ZC3H8: variants seen among roughly 807,000 people sequenced by gnomAD.
The protein encoded by ZC3H8 is zinc finger CCCH-type containing 8.
Under a neutral mutation model 42.5 loss-of-function variants are expected in ZC3H8, and 27 were observed. The ratio of observed to expected loss-of-function variants is 0.64; its 90% CI spans 0.47 to 0.88. The LOEUF is 0.88. Among genes scored for constraint, ZC3H8 ranks in the 40% least tolerant of loss-of-function variants. The pLI is 0.00. For synonymous variants in ZC3H8, 101 were observed against 110.1 expected (o/e 0.92, Z 0.52); for missense variants, 277 against 336.1 (o/e 0.82, Z 1.37).
chr2:112,249,192 T>C (rs1685860434), intron 2 of ZC3H8, among the ~76,000 whole-genome samples: 1 of 152,004 alleles, frequency 6.6e-6, no homozygotes, highest in East Asian at 1.9e-4. Flanking sequence ...CAAGACTCTG[T>C]CTCAAAAAAA....
At chr2:112,241,813 T>C (rs573470814) in intron 2 of ZC3H8, among the ~76,000 whole-genome samples, 195 of 152,366 alleles carry the variant, frequency 1.3e-3, no homozygotes, top group African/African-American at 4.4e-3. Context: ...TATTACTCTA[T>C]AGCATTTGTT....
chr2:112,246,291 G>A (rs1032464877), intron 2 of ZC3H8, among the ~76,000 whole-genome samples: 9 of 152,134 alleles, frequency 5.9e-5, no homozygotes, highest in African/African-American at 7.2e-5. Flanking sequence ...TATGGATCAC[G>A]GAATAATTGA....
intron 1 of ZC3H8, 68 bp from the exon 2 acceptor site, chr2:112,250,340 C>G: frequency 1.8e-6 from 2 of 1,100,258 alleles, no homozygotes; most frequent in African/African-American, 1.6e-5. Context: ...CACAGCGTTA[C>G]AATTCACTGC....
chr2:112,233,156 A>G, intron 6 of ZC3H8, 104 bp downstream of exon 6: 1 of 672,594 alleles, frequency 1.5e-6, no homozygotes, highest in South Asian at 2.2e-5. Context: ...CTTGGATAAT[A>G]TCATTTTGGT....
chr2:112,218,427 T>A (rs560551187), intron 8 of ZC3H8, among the ~76,000 whole-genome samples: 17 of 152,316 alleles, frequency 1.1e-4, no homozygotes, highest in African/African-American at 3.8e-4. Context: ...TATTTTATCA[T>A]GTTAAAAAAG....
At chr2:112,238,204 C>T (rs1685426873) in intron 3 of ZC3H8, 111 bp downstream of exon 3, 1 of 1,119,502 alleles carries the variant, frequency 8.9e-7, no homozygotes. Flanking sequence ...TTCATGAAAA[C>T]CATAGTCTTA....
chr2:112,221,989 G>A (rs903713257), intron 8 of ZC3H8, among the ~76,000 whole-genome samples: 5 of 152,020 alleles, frequency 3.3e-5, no homozygotes, highest in South Asian at 2.1e-4. Flanking sequence ...CATTTATATC[G>A]GCTGATGTTC....
At chr2:112,238,903 C>CTTT (rs1685464751) in intron 2 of ZC3H8, among the ~76,000 whole-genome samples, 1 of 152,176 alleles carries the variant, frequency 6.6e-6, no homozygotes, top group Non-Finnish European at 1.5e-5. Context: ...TCTGCCTTTG[C>CTTT]ATTGACAGTA....
intron 3 of ZC3H8, 104 bp downstream of exon 3, chr2:112,238,211 C>G (rs1313739731): frequency 8.5e-7 from 1 of 1,173,006 alleles, no homozygotes; most frequent in Admixed American, 2.4e-5. Flanking sequence ...AAACCATAGT[C>G]TTATCATAAG....
Position 112,233,339 on chromosome 2 carries a change from C to A in ZC3H8, c.654G>T (p.Glu218Asp). Residue 218 changes from glutamate to aspartate, a missense_variant, in exon 6 of 9, where the codon GAG becomes GAT. By Grantham distance (45) the Glu-to-Asp change is conservative (BLOSUM62 2). Coordinates refer to ENST00000409573, the MANE Select transcript of ZC3H8 (RefSeq NM_032494.3). ...GDQCKFDHDA[E>D]IEKKKEMCKF... ...TACACATTTCCTTTTTCTTTTCTAT[C>A]TCTGCATCATGATCAAATTTACACT... is the stretch of plus-strand genomic sequence containing the variant. 1 of 1,595,622 alleles carries A rather than the reference C, an allele frequency of 6.3e-7. No homozygotes were observed. The highest frequency in any genetic ancestry group is 8.5e-7 in the Non-Finnish European group (1 of 1,170,180).
intron 2 of ZC3H8, among the ~76,000 whole-genome samples, chr2:112,249,101 G>A (rs968229428): frequency 6.6e-6 from 1 of 152,146 alleles, no homozygotes; most frequent in Non-Finnish European, 1.5e-5. Context: ...AGCTACTTGG[G>A]AGGCTGAGAA....
Position 112,211,661 on chromosome 2 carries a change from A to C in ZC3H8, c.*4823T>G, listed in dbSNP as rs946272607. 1.3e-5 allele frequency: 2 copies of C among 152,242 alleles called. No homozygotes were observed. The highest frequency in any genetic ancestry group is 4.8e-5 in the African/African-American group (2 of 41,458). 9.4% of individuals were successfully genotyped at this position (152,242 alleles called of 1,614,324 possible). ...CTAAGAAAACAATAACCTGCTAATT[A>C]AAATGAGTCTATCAATTGTAAAATA... On this transcript the variant is annotated 3_prime_UTR_variant, in exon 9 of 9. Transcript: ENST00000409573.
rs138032670 is a variant in ZC3H8 at position 112,233,341 on chromosome 2, C to G, written c.652G>C (p.Glu218Gln). 7.5e-5 allele frequency: 120 copies of G among 1,595,414 alleles called. 1 individual carries two copies. In the East Asian group the frequency reaches 2.5e-3, roughly 33 times the overall value. Residue 218 changes from glutamate (E) to glutamine (Q), a missense_variant, in exon 6 of 9, where the codon GAG (glutamate) becomes CAG (glutamine). Transcript: ENST00000409573. Reference protein sequence around the residue: ...GDQCKFDHDAEIEKKKEMCKF... With the variant: ...GDQCKFDHDAQIEKKKEMCKF... ...CACATTTCCTTTTTCTTTTCTATCTCTGCATCATGATCAAATTTACACTGG... is the reference window on the plus strand; with the variant it reads ...CACATTTCCTTTTTCTTTTCTATCTGTGCATCATGATCAAATTTACACTGG...
intron 2 of ZC3H8, among the ~76,000 whole-genome samples, chr2:112,249,267 T>C (rs1388394762): frequency 6.6e-6 from 1 of 151,886 alleles, no homozygotes; most frequent in Non-Finnish European, 1.5e-5. Context: ...AAGGCAGAAA[T>C]CAGGATGATA....
At chr2:112,245,323 T>A (rs1685718061) in intron 2 of ZC3H8, among the ~76,000 whole-genome samples, 1 of 152,176 alleles carries the variant, frequency 6.6e-6, no homozygotes, top group African/African-American at 2.4e-5. Flanking sequence ...GGTTGGTTCT[T>A]GAGGTTTATG....
intron 2 of ZC3H8, among the ~76,000 whole-genome samples, chr2:112,240,988 C>CGT (rs373421746): frequency 7.4e-6 from 1 of 134,292 alleles, no homozygotes; most frequent in East Asian, 2.1e-4. Flanking sequence ...TGTGTGTGCG[C>CGT]GTGTGTATGT....
At chr2:112,241,108 G>A (rs937016383) in intron 2 of ZC3H8, among the ~76,000 whole-genome samples, 1 of 151,772 alleles carries the variant, frequency 6.6e-6, no homozygotes, top group Admixed American at 6.6e-5. Context: ...TGCTCTAAAG[G>A]GTGGGCTTAG....
intron 8 of ZC3H8, among the ~76,000 whole-genome samples, chr2:112,228,182 CAG>C (rs926833901): frequency 2.6e-5 from 4 of 152,058 alleles, no homozygotes; most frequent in African/African-American, 9.7e-5. Flanking sequence ...GAAGGCAAGT[CAG>C]GGGGAAGGGG....
At chr2:112,228,961 G>A (rs1019100304) in intron 8 of ZC3H8, among the ~76,000 whole-genome samples, 24 of 152,110 alleles carry the variant, frequency 1.6e-4, no homozygotes, top group African/African-American at 5.8e-4. Flanking sequence ...GATGTTCATA[G>A]TCATTTGAGA....
Sources: allele counts gnomAD v4.1 joint callset (sites outside exome capture counted in the v4.1 genomes callset), GRCh38; gene constraint gnomAD v4.1.1; transcripts MANE v1.5; gene names NCBI Gene and HGNC (gene_info 2026-07-23, HGNC 2026-07-21).